Variants in UNC79 observed in about 807,000 individuals in gnomAD.
UNC79 encodes the protein protein unc-79 homolog.
A neutral mutation model predicts 283.1 loss-of-function variants in UNC79; 37 were observed. The ratio of observed to expected loss-of-function variants is 0.13; its 90% CI spans 0.10 to 0.17. UNC79 has a LOEUF of 0.17. UNC79 is among the 10% of genes least tolerant of loss of function. The pLI is 1.00. For synonymous variants in UNC79, 1,107 were observed against 1,200.2 expected (o/e 0.92, Z 1.61); for missense variants, 2,272 against 3,211.1 (o/e 0.71, Z 7.07).
intron 1 of UNC79, among the ~76,000 whole-genome samples, chr14:93,413,109 T>A (rs2055370403): frequency 6.6e-6 from 1 of 152,022 alleles, no homozygotes; most frequent in Admixed American, 6.6e-5. Flanking sequence ...TGTATACATG[T>A]GCCATGCTGG....
In UNC79 at chr14:93,353,198, CTTTA is replaced by C. The variant is rs1246696324; in HGVS notation, c.-351+19679_-351+19682del. 4.6e-5 allele frequency among the ~76,000 whole-genome samples: 7 copies of C among 152,168 alleles called. No homozygotes were observed. The East Asian group carries it at 1.4e-3, about 29-fold the overall frequency. Reference sequence around the variant, plus strand: ...TATCTTTTTGTAGTATGTGGAACTACTTTATTTTTTATTTTTATTTTTTGAGACA... The same window carrying C: ...TATCTTTTTGTAGTATGTGGAACTACTTTTTTATTTTTATTTTTTGAGACA... On this transcript the variant is annotated intron_variant, in intron 1 of 49. Coordinates refer to the UNC79 transcript ENST00000256339.
intron 1 of UNC79, among the ~76,000 whole-genome samples, chr14:93,361,692 C>A (rs2054230989): frequency 6.6e-6 from 1 of 152,040 alleles, no homozygotes; most frequent in African/African-American, 2.4e-5. Context: ...ATTTCTTTCT[C>A]CCACCTGATT....
intron 39 of UNC79, among the ~76,000 whole-genome samples, chr14:93,661,081 A>G (rs980641824): frequency 2.6e-5 from 4 of 152,212 alleles, no homozygotes; most frequent in Non-Finnish European, 4.4e-5. Flanking sequence ...TCGATTAGAA[A>G]AAAGAACCTC....
At chr14:93,417,487 A>G (rs913766484) in intron 1 of UNC79, among the ~76,000 whole-genome samples, 5 of 152,002 alleles carry the variant, frequency 3.3e-5, no homozygotes, top group African/African-American at 1.2e-4. Flanking sequence ...GGTAAATCTG[A>G]CAATTATGTG....
intron 12 of UNC79, among the ~76,000 whole-genome samples, chr14:93,538,939 G>T (rs1219172526): frequency 6.6e-6 from 1 of 151,342 alleles, no homozygotes; most frequent in Non-Finnish European, 1.5e-5. Flanking sequence ...GTCTTGCTCT[G>T]TCGCCCAGGC....
chr14:93,505,369 G>A (rs1422979059), intron 7 of UNC79, among the ~76,000 whole-genome samples: 2 of 152,060 alleles, frequency 1.3e-5, no homozygotes, highest in Non-Finnish European at 2.9e-5. Flanking sequence ...TTAGAATGCA[G>A]TATCTTCCCA....
intron 6 of UNC79, 112 bp from the exon 7 acceptor site, chr14:93,497,045 T>C: frequency 8.6e-7 from 1 of 1,168,962 alleles, no homozygotes; most frequent in Non-Finnish European, 1.2e-6. Flanking sequence ...CCAGGGAAAT[T>C]ACTCACCTCA....
chr14:93,568,184 G>A (rs2063007499), intron 14 of UNC79, among the ~76,000 whole-genome samples: 1 of 152,112 alleles, frequency 6.6e-6, no homozygotes, highest in Admixed American at 6.6e-5. Flanking sequence ...CTATTAATGG[G>A]TCTTAATATA....
intron 40 of UNC79, among the ~76,000 whole-genome samples, chr14:93,670,367 G>A (rs1289688394): frequency 1.3e-5 from 2 of 152,110 alleles, no homozygotes; most frequent in Admixed American, 6.5e-5. Context: ...TGTTTTACCC[G>A]TGCTTTTGTC....
At chr14:93,597,426 G>C in exon 24 of UNC79, 1 of 1,614,180 alleles carries the variant, frequency 6.2e-7, no homozygotes, top group South Asian at 1.1e-5. Flanking sequence ...ACCTGCTGAA[G>C]TACTCCCTGG....
chr14:93,409,656 A>T (rs1203573775), intron 1 of UNC79, among the ~76,000 whole-genome samples: 2 of 152,166 alleles, frequency 1.3e-5, no homozygotes, highest in Non-Finnish European at 2.9e-5. Context: ...CCACTGCACT[A>T]CAGCCTGGGT....
At chr14:93,703,683 A>T (rs2075688790) in intron 47 of UNC79, among the ~76,000 whole-genome samples, 1 of 152,218 alleles carries the variant, frequency 6.6e-6, no homozygotes, top group Non-Finnish European at 1.5e-5. Flanking sequence ...CTACTCCTTT[A>T]TTTGAGTGGA....
intron 26 of UNC79, among the ~76,000 whole-genome samples, chr14:93,604,000 A>T (rs2065705908): frequency 6.6e-6 from 1 of 152,194 alleles, no homozygotes; most frequent in African/African-American, 2.4e-5. Flanking sequence ...AAAAAAGACC[A>T]TATATACTTG....
intron 48 of UNC79, among the ~76,000 whole-genome samples, chr14:93,705,588 C>A (rs1043835934): frequency 3.9e-5 from 6 of 152,200 alleles, no homozygotes; most frequent in Admixed American, 3.3e-4. Context: ...GGCCCCACAG[C>A]CTAAAAGAGG....
chr14:93,448,532 G>A lies in UNC79; in HGVS notation c.22+17481G>A, dbSNP rs118096928. Among the ~76,000 whole-genome samples, 313 of 152,208 alleles carry A rather than the reference G, an allele frequency of 2.1e-3. 5 individuals carry two copies. The East Asian group carries it at 0.022, about 11-fold the overall frequency. On this transcript the variant is annotated intron_variant, in intron 1 of 48. Coordinates refer to ENST00000555664, the Ensembl canonical transcript of UNC79. Reference sequence around the variant, plus strand: ...GGATCAGAATATACTGACTTTTCTTGTGGGAATGTGTTGTATTTTCTTGGT... The same window carrying A: ...GGATCAGAATATACTGACTTTTCTTATGGGAATGTGTTGTATTTTCTTGGT...
intron 1 of UNC79, among the ~76,000 whole-genome samples, chr14:93,361,211 C>CAAAAAAAAAAAA: frequency 1.8e-5 from 1 of 54,378 alleles, no homozygotes; most frequent in Non-Finnish European, 3.2e-5. Flanking sequence ...GACTCTGTCT[C>CAAAAAAAAAAAA]AAAAAAAAAA....
intron 8 of UNC79, among the ~76,000 whole-genome samples, chr14:93,525,021 C>T (rs1227789849): frequency 6.6e-6 from 1 of 152,132 alleles, no homozygotes; most frequent in Non-Finnish European, 1.5e-5. Context: ...GTTTCATGAA[C>T]CAAAAACTGG....
chr14:93,452,661 T>C (rs184058502), intron 1 of UNC79, among the ~76,000 whole-genome samples: 3 of 152,280 alleles, frequency 2.0e-5, no homozygotes, highest in African/African-American at 7.2e-5. Context: ...GTGCTGGGAT[T>C]GCAGGAATGA....
chr14:93,411,870 A>G (rs2055342949), intron 1 of UNC79, among the ~76,000 whole-genome samples: 1 of 152,230 alleles, frequency 6.6e-6, no homozygotes, highest in Admixed American at 6.5e-5. Flanking sequence ...TAACTCTTCA[A>G]TGCCCAGACG....
Sources: allele counts gnomAD v4.1 joint callset (sites outside exome capture counted in the v4.1 genomes callset), GRCh38; gene constraint gnomAD v4.1.1; transcripts MANE v1.5; gene names NCBI Gene and HGNC (gene_info 2026-07-23, HGNC 2026-07-21).